The following PCDHGA4 variants were observed in gnomAD, a reference collection of about 807,000 sequenced individuals.
The protein encoded by PCDHGA4 is protocadherin gamma-A4.
PCDHGA4 carries 38 observed loss-of-function variants against 54.6 expected under a neutral mutation model. That is an observed-to-expected ratio of 0.70 (90% CI 0.54 to 0.91). The LOEUF (loss-of-function observed/expected upper bound fraction) is 0.91, where lower values mean the gene tolerates loss of function less well. Ranked by LOEUF, PCDHGA4 falls within the 40% of genes least tolerant of loss-of-function variation. The pLI, the probability that PCDHGA4 is intolerant of heterozygous loss-of-function variation, is 0.00. For missense variants in PCDHGA4, 1,298 were observed against 1,220.9 expected (o/e 1.06, Z -0.94); for synonymous variants, 511 against 512.9 (o/e 1.00, Z 0.05).
rs1437409726 is a variant in PCDHGA4, at chr5:141,471,036, C to T, written c.2515-23771C>T. Among the ~76,000 whole-genome samples the T allele has an allele frequency of 2.8e-5, 4 of 144,908 alleles. No homozygotes were observed. The South Asian group carries it at 6.5e-4, about 24-fold the overall frequency. ...CTGGTCAATCATTTTTATTAACAAG[C>T]CCAAGCCCTCTTTTTTTTTTTTTTT... On this transcript the variant is annotated intron_variant, in intron 1 of 3. Transcript: ENST00000571252.
chr5:141,498,919 CG>C (rs2099786825), intron 2 of PCDHGA4, among the ~76,000 whole-genome samples: 1 of 122,240 alleles, frequency 8.2e-6, no homozygotes, highest in African/African-American at 3.1e-5. Context: ...GGTGACAGAG[CG>C]AGACTCCATC....
chr5:141,410,402 A>G, intron 1 of PCDHGA4: 1 of 1,614,008 alleles, frequency 6.2e-7, no homozygotes, highest in South Asian at 1.1e-5. Flanking sequence ...TCTCTGTGTC[A>G]AGTCTGGACC....
At chr5:141,435,665 A>C (rs1029846055) in intron 1 of PCDHGA4, among the ~76,000 whole-genome samples, 2 of 152,206 alleles carry the variant, frequency 1.3e-5, no homozygotes, top group African/African-American at 4.8e-5. Flanking sequence ...CACAGATTCC[A>C]AGTGTTTTCT....
chr5:141,419,886 G>A lies in PCDHGA4; in HGVS notation c.2514+62265G>A, dbSNP rs1195529127. ...TTGCAAGAGGTACTGCCGGATTTCA[G>A]CGACCATCCCACACCCTCTGACTCC... On this transcript the variant is annotated intron_variant, in intron 1 of 3. Transcript: ENST00000571252. 1.9e-6 allele frequency: 3 copies of A among 1,614,076 alleles called. No individual in the cohort carries two copies. In the East Asian group the frequency reaches 6.7e-5, roughly 36 times the overall value.
chr5:141,374,945 A>G, intron 1 of PCDHGA4: 1 of 1,614,034 alleles, frequency 6.2e-7, no homozygotes, highest in Non-Finnish European at 8.5e-7. Flanking sequence ...TACAGAAAAG[A>G]TCTCACAAAT....
At chr5:141,427,192 A>T (rs1191677237) in intron 1 of PCDHGA4, 1 of 456,566 alleles carries the variant, frequency 2.2e-6, no homozygotes. Context: ...AAATCCAAAG[A>T]CTTAATAGAC....
chr5:141,383,424 T>A, intron 1 of PCDHGA4: 1 of 1,613,978 alleles, frequency 6.2e-7, no homozygotes, highest in Non-Finnish European at 8.5e-7. Context: ...TCAGCCCCAA[T>A]CGCCACTTCT....
At position 141,485,464 on chromosome 5, in the gene PCDHGA4, G is replaced by A. The variant is rs2099614016; in HGVS notation, c.2515-9343G>A. ...CAATCGACCGAGAGGCACTGTGTGG[G>A]CTCAGTGCCAGCTGCATCGTGCCCC... is the stretch of plus-strand genomic sequence containing the variant. On this transcript the variant is annotated intron_variant, in intron 1 of 3. Coordinates refer to ENST00000571252, the MANE Select transcript of PCDHGA4 (RefSeq NM_018917.4). The surrounding 1 kb of genome is among the most constrained non-coding windows in gnomAD (Gnocchi z 5.7). 6.2e-7 allele frequency: 1 copy of A among 1,614,106 alleles called. No homozygotes were observed. The highest frequency in any genetic ancestry group is 8.5e-7 in the Non-Finnish European group (1 of 1,179,958).
chr5:141,404,073 G>A lies in PCDHGA4; in HGVS notation c.2514+46452G>A, dbSNP rs746951310. On this transcript the variant is annotated intron_variant, in intron 1 of 3. Transcript: ENST00000571252. The stretch of plus-strand genomic sequence containing the variant: ...ATTCTTCTTTTCAATGCTCATGACC[G>A]AGACTCCGGGAAGAATGGTCAAGTT... The A allele has an allele frequency of 1.5e-5, 24 of 1,613,602 alleles. No individual in the cohort carries two copies. Among genetic ancestry groups the A allele is most frequent in the Non-Finnish European group, 1.9e-5 (22 of 1,179,684 alleles).
In PCDHGA4 at chr5:141,358,705, T is replaced by G. The variant is rs1488678526; in HGVS notation, c.2514+1084T>G. On this transcript the variant is annotated intron_variant, in intron 1 of 3. Transcript: ENST00000571252. Reference sequence around the variant, plus strand: ...TATCATGACATCACTATTGAGACTTTCTTGATTTCCAAGGAAAATATAAGT... The same window carrying G: ...TATCATGACATCACTATTGAGACTTGCTTGATTTCCAAGGAAAATATAAGT... Among the ~76,000 whole-genome samples, 3 of 152,360 alleles carry G rather than the reference T, an allele frequency of 2.0e-5. No individual in the cohort carries two copies. In the East Asian group the frequency reaches 5.8e-4, roughly 29 times the overall value.
intron 1 of PCDHGA4, chr5:141,404,037 A>T: frequency 6.2e-7 from 1 of 1,613,888 alleles, no homozygotes; most frequent in East Asian, 2.2e-5. Context: ...GACGCACCTC[A>T]GGGAACAGTA....
chr5:141,494,844 C>T lies in PCDHGA4; in HGVS notation c.2552C>T (p.Ala851Val). The change falls in exon 2 of 4, where the codon GCC becomes GTC. Residue 851 changes from alanine to valine, a missense_variant. Ala to Val is a moderately conservative substitution (Grantham distance 64). Coordinates refer to ENST00000571252, the MANE Select transcript of PCDHGA4 (RefSeq NM_018917.4). ...PPNTDWRFSQ[A>V]QRPGTSGSQN... The stretch of plus-strand genomic sequence containing the variant: ...AACACGGACTGGCGTTTCTCTCAGG[C>T]CCAGAGACCCGGCACCAGCGGGTAG... The T allele has an allele frequency of 6.2e-7, 1 of 1,614,190 alleles. No homozygotes were observed. The highest frequency in any genetic ancestry group is 8.5e-7 in the Non-Finnish European group (1 of 1,180,028).
At chr5:141,501,402 G>T (rs527659990) in intron 2 of PCDHGA4, among the ~76,000 whole-genome samples, 1 of 151,622 alleles carries the variant, frequency 6.6e-6, no homozygotes, top group African/African-American at 2.4e-5. Context: ...ACAGGCCACT[G>T]CTTGGAAAAT....
rs767497197 is a variant in PCDHGA4, at chr5:141,486,350, T to C, written c.2515-8457T>C. The C allele has an allele frequency of 6.2e-7, 1 of 1,614,128 alleles. No homozygotes were observed. Among genetic ancestry groups the C allele is most frequent in the South Asian group, 1.1e-5 (1 of 91,074 alleles). On this transcript the variant is annotated intron_variant, in intron 1 of 3. Transcript: ENST00000571252. The surrounding 1 kb of genome is among the most constrained non-coding windows in gnomAD (Gnocchi z 5.0). ...TGTGAGCCTCCGCATTCCTGACCAC[T>C]TGCCATTTGCCCTCAAGTCTGCCTT...
In PCDHGA4 at chr5:141,357,521, G is replaced by A. The variant is rs747583956; in HGVS notation, c.2414G>A (p.Ser805Asn). 4.3e-6 allele frequency: 7 copies of A among 1,614,228 alleles called. No homozygotes were observed. Among genetic ancestry groups the A allele is most frequent in the Non-Finnish European group, 5.9e-6 (7 of 1,180,044 alleles). ...AGTCACCTGATCTTCTCCCAACCCA[G>A]CTATGCAGACACGCTCATCAGCCGG... ...RKSHLIFSQPSYADTLISRES... is the reference protein window; with the variant it reads ...RKSHLIFSQPNYADTLISRES... Residue 805 changes from serine (S) to asparagine (N), a missense_variant, in exon 1 of 4, where the codon AGC becomes AAC. Transcript: ENST00000571252.
chr5:141,478,292 C>T, intron 1 of PCDHGA4: 1 of 1,614,146 alleles, frequency 6.2e-7, no homozygotes, highest in Non-Finnish European at 8.5e-7. Flanking sequence ...GTCTAGAGAC[C>T]TATACCGAGC....
intron 1 of PCDHGA4, among the ~76,000 whole-genome samples, chr5:141,407,446 C>T (rs1314408901): frequency 6.7e-6 from 1 of 149,410 alleles, no homozygotes. Context: ...AACCAGAACA[C>T]GAGGCTCACC....
Position 141,491,531 on chromosome 5 carries a change from T to G in PCDHGA4, c.2515-3276T>G, listed in dbSNP as rs532897059. On this transcript the variant is annotated intron_variant, in intron 1 of 3. Coordinates refer to ENST00000571252, the MANE Select transcript of PCDHGA4 (RefSeq NM_018917.4). This position sits in a 1 kb window ranked among gnomAD's most constrained non-coding sequence, Gnocchi z 6.9. ...ACGCTCAAGTACATGGAGGTGACGC[T>G]GCGGCCCACAGACTCGCAGAGCCAC... The G allele has an allele frequency of 6.2e-7, 1 of 1,614,044 alleles. No homozygotes were observed. The highest frequency in any genetic ancestry group is 1.7e-5 in the Admixed American group (1 of 60,028).
In PCDHGA4 at chr5:141,487,608, G is replaced by T; in HGVS notation, c.2515-7199G>T. 1 of 1,614,182 alleles carries T rather than the reference G, an allele frequency of 6.2e-7. No individual in the cohort carries two copies. The highest frequency in any genetic ancestry group is 8.5e-7 in the Non-Finnish European group (1 of 1,180,042). On this transcript the variant is annotated intron_variant, in intron 1 of 3. Coordinates refer to ENST00000571252, the MANE Select transcript of PCDHGA4 (RefSeq NM_018917.4). The surrounding 1 kb of genome is among the most constrained non-coding windows in gnomAD (Gnocchi z 5.0). ...TGCCCACCCTCTGATCTTCTCTATG[G>T]GCTAGAGGTGAGACCTTTGCAGGCT...
Sources: allele counts gnomAD v4.1 joint callset (sites outside exome capture counted in the v4.1 genomes callset), GRCh38; gene constraint gnomAD v4.1.1; non-coding constraint Gnocchi (gnomAD v3.1); transcripts MANE v1.5; gene names NCBI Gene and HGNC (gene_info 2026-07-23, HGNC 2026-07-21).